The following BBOX1 variants were observed in gnomAD, a reference collection of about 807,000 sequenced individuals.
BBOX1 encodes the protein gamma-butyrobetaine hydroxylase 1.
A neutral mutation model predicts 41.6 loss-of-function variants in BBOX1; 35 were observed. That is an observed-to-expected ratio of 0.84 (90% CI 0.64 to 1.11). The LOEUF (loss-of-function observed/expected upper bound fraction) is 1.11. Among genes scored for constraint, BBOX1 ranks in the 50% most tolerant of loss-of-function variants. The pLI, the probability that BBOX1 is intolerant of heterozygous loss-of-function variation, is 0.00. For missense variants in BBOX1, 458 were observed against 460.6 expected (o/e 0.99, Z 0.05); for synonymous variants, 163 against 154.7 (o/e 1.05, Z -0.40).
intron 5 of BBOX1, among the ~76,000 whole-genome samples, chr11:27,112,465 C>A (rs1243950289): frequency 2.6e-5 from 4 of 151,774 alleles, no homozygotes; most frequent in Non-Finnish European, 5.9e-5. Context: ...GATAAATACA[C>A]AAATGGAACA....
At position 27,055,342 on chromosome 11, in the gene BBOX1, A is replaced by G. The variant is rs56349897; in HGVS notation, c.-38-51A>G. Reference sequence around the variant, plus strand: ...TGAAGTGTTCACACTCTCAGAGGCCAAGTTTAGATCTTATCTGCCTGAGAT... The same window carrying G: ...TGAAGTGTTCACACTCTCAGAGGCCGAGTTTAGATCTTATCTGCCTGAGAT... On this transcript the variant is annotated intron_variant, in intron 2 of 8. Transcript: ENST00000263182. 0.01 allele frequency: 14,012 copies of G among 1,347,940 alleles called. 1,115 individuals are homozygous for G. In the African/African-American group the frequency reaches 0.17, roughly 17 times the overall value. 83.5% of individuals were successfully genotyped at this position (1,347,940 alleles called of 1,614,324 possible).
chr11:27,115,957 C>T (rs1859244096), intron 6 of BBOX1, among the ~76,000 whole-genome samples: 1 of 151,866 alleles, frequency 6.6e-6, no homozygotes, highest in African/African-American at 2.4e-5. Context: ...GTCACATGGG[C>T]ATCATTCATA....
intron 5 of BBOX1, among the ~76,000 whole-genome samples, chr11:27,105,286 T>G (rs1858822903): frequency 6.6e-6 from 1 of 151,840 alleles, no homozygotes. Flanking sequence ...CGATCAAACT[T>G]CTCCGAGCTA....
intron 4 of BBOX1, among the ~76,000 whole-genome samples, chr11:27,077,629 A>T (rs1385252190): frequency 6.6e-6 from 1 of 151,578 alleles, no homozygotes; most frequent in Non-Finnish European, 1.5e-5. Flanking sequence ...AAAAAAAAAA[A>T]AAAACCAAAA....
intron 2 of BBOX1, among the ~76,000 whole-genome samples, chr11:27,044,617 G>A (rs571622360): frequency 6.6e-6 from 1 of 152,272 alleles, no homozygotes; most frequent in Admixed American, 6.5e-5. Flanking sequence ...TGGATAAGGT[G>A]TAAGGAATGG....
chr11:27,115,341 AT>A (rs1430911341), intron 5 of BBOX1, 110 bp from the exon 6 acceptor site: 1 of 812,362 alleles, frequency 1.2e-6, no homozygotes, highest in Non-Finnish European at 1.9e-6. Context: ...TATGGTAATT[AT>A]TTCAAAAAAT....
At chr11:27,100,245 T>C (rs1328267337) in intron 5 of BBOX1, among the ~76,000 whole-genome samples, 2 of 152,124 alleles carry the variant, frequency 1.3e-5, no homozygotes, top group Non-Finnish European at 2.9e-5. Context: ...AAATACTTGT[T>C]ACCAGAAAAC....
chr11:27,112,050 ACTGT>A (rs2134087412), intron 5 of BBOX1, among the ~76,000 whole-genome samples: 1 of 152,038 alleles, frequency 6.6e-6, no homozygotes, highest in East Asian at 1.9e-4. Flanking sequence ...AAGAATAGAC[ACTGT>A]CTAAGCCTCT....
intron 7 of BBOX1, among the ~76,000 whole-genome samples, chr11:27,121,689 G>A (rs755770083): frequency 4.6e-5 from 7 of 152,178 alleles, no homozygotes; most frequent in Non-Finnish European, 1.0e-4. Context: ...ATAAACCTGA[G>A]ACGTTTTCTA....
At chr11:27,093,742 T>G (rs781259088) in intron 5 of BBOX1, among the ~76,000 whole-genome samples, 10 of 151,996 alleles carry the variant, frequency 6.6e-5, no homozygotes, top group Non-Finnish European at 1.3e-4. Flanking sequence ...CTGATGAGGC[T>G]TATGTCTTGT....
At chr11:27,091,907 T>C (rs958188850) in intron 4 of BBOX1, among the ~76,000 whole-genome samples, 7 of 152,034 alleles carry the variant, frequency 4.6e-5, no homozygotes, top group African/African-American at 1.7e-4. Context: ...CAAACTGCTG[T>C]GCTTAATAAC....
chr11:27,051,777 T>C (rs1052282642), intron 2 of BBOX1, among the ~76,000 whole-genome samples: 11 of 152,022 alleles, frequency 7.2e-5, no homozygotes, highest in Non-Finnish European at 5.9e-5. Context: ...TTCTTGTCTC[T>C]ATTTCATTTA....
At chr11:27,071,734 G>A (rs953632395) in intron 4 of BBOX1, among the ~76,000 whole-genome samples, 1 of 152,122 alleles carries the variant, frequency 6.6e-6, no homozygotes, top group African/African-American at 2.4e-5. Flanking sequence ...GATCAAGTGG[G>A]CTTCATCCCT....
chr11:27,119,286 A>C (rs1564990641), intron 6 of BBOX1, among the ~76,000 whole-genome samples: 1 of 151,980 alleles, frequency 6.6e-6, no homozygotes, highest in Non-Finnish European at 1.5e-5. Flanking sequence ...TCCCCTTGAA[A>C]TCCTTCCCTG....
In BBOX1 at chr11:27,062,567, C is replaced by CT. The variant is rs150967140; in HGVS notation, c.334+5262dup. Among the ~76,000 whole-genome samples the CT allele has an allele frequency of 1.4e-3, 205 of 148,556 alleles. 1 individual carries two copies. Among genetic ancestry groups the CT allele is most frequent in the East Asian group, 6.1e-3 (31 of 5,048 alleles). The stretch of plus-strand genomic sequence containing the variant: ...TACATGTCTCCTAGGCTTTCTTTTT[C>CT]TTTTTTTTTTGAGACGGAGTCTTCC... On this transcript the variant is annotated intron_variant, in intron 4 of 8. Transcript: ENST00000263182.
chr11:27,045,390 C>T (rs1851460162), intron 2 of BBOX1, among the ~76,000 whole-genome samples: 1 of 152,162 alleles, frequency 6.6e-6, no homozygotes, highest in Admixed American at 6.5e-5. Context: ...GACAATTTGA[C>T]TTCTTCTTTT....
chr11:27,080,165 A>G (rs1315643476), intron 4 of BBOX1, among the ~76,000 whole-genome samples: 1 of 152,266 alleles, frequency 6.6e-6, no homozygotes, highest in Admixed American at 6.5e-5. Context: ...TTTTATACAC[A>G]AAAATTAGGC....
At chr11:27,071,393 A>AG (rs1857442919) in intron 4 of BBOX1, among the ~76,000 whole-genome samples, 1 of 151,148 alleles carries the variant, frequency 6.6e-6, no homozygotes, top group African/African-American at 2.4e-5. Flanking sequence ...AAAAAAAAAA[A>AG]AGGGGGCTAA....
rs946143516 is a variant in BBOX1, at chr11:27,090,684, T to C, written c.335-2484T>C. 2.2e-4 allele frequency among the ~76,000 whole-genome samples: 33 copies of C among 151,826 alleles called. 1 individual carries two copies. The highest frequency in any genetic ancestry group is 1.6e-3 in the Admixed American group (24 of 15,220). On this transcript the variant is annotated intron_variant, in intron 4 of 8. Coordinates refer to ENST00000263182, the MANE Select transcript of BBOX1 (RefSeq NM_003986.3). ...GCAGAGAGCCAGTCTGACCACAAAT[T>C]TACCAGGGCAGAGTTTTTCCCCACA...
Sources: gnomAD v4.1 joint callset for allele counts (sites outside exome capture counted in the v4.1 genomes callset) on GRCh38, gnomAD v4.1.1 for gene constraint, MANE v1.5 for transcripts, NCBI Gene and HGNC (gene_info 2026-07-23, HGNC 2026-07-21) for gene names.